ADGRA3: variants seen among roughly 807,000 people sequenced by gnomAD.
ADGRA3 encodes the protein G-protein coupled receptor 125.
A neutral mutation model predicts 119.8 loss-of-function variants in ADGRA3; 56 were observed. The observed-to-expected ratio is 0.47, with a 90% CI of 0.38 to 0.58. ADGRA3 has a LOEUF of 0.58. Ranked by LOEUF, ADGRA3 falls within the 20% of genes least tolerant of loss-of-function variation. The probability of loss-of-function intolerance (pLI) is 0.00; values close to 1 mark genes in which losing one functional copy is unlikely to be tolerated. For missense variants in ADGRA3, 1,516 were observed against 1,649.0 expected (o/e 0.92, Z 1.40); for synonymous variants, 607 against 623.8 (o/e 0.97, Z 0.40).
intron 3 of ADGRA3, among the ~76,000 whole-genome samples, chr4:22,455,647 A>T (rs1717210561): frequency 6.6e-6 from 1 of 152,204 alleles, no homozygotes; most frequent in African/African-American, 2.4e-5. Flanking sequence ...TACCTATGTA[A>T]AAGTTTTAGT....
At position 22,387,618 on chromosome 4, in the gene ADGRA3, G is replaced by A; in HGVS notation, c.*87C>T. ...CAAATTCTTTTGAATCCCTATGGTG[G>A]CTGTAAACAGTTTTTAAATGCTCAT... On this transcript the variant is annotated 3_prime_UTR_variant, in exon 19 of 19. Coordinates refer to ENST00000334304, the MANE Select transcript of ADGRA3 (RefSeq NM_145290.4). 1 of 1,290,902 alleles carries A rather than the reference G, an allele frequency of 7.7e-7. No individual in the cohort carries two copies. Among genetic ancestry groups the A allele is most frequent in the Non-Finnish European group, 1.1e-6 (1 of 943,566 alleles). The allele number at this position is 1,290,902 out of a possible 1,614,324, so 80.0% of individuals were successfully genotyped here.
rs191366753 is a variant in ADGRA3 at position 22,486,703 on chromosome 4, C to T, written c.258-12860G>A. On this transcript the variant is annotated intron_variant, in intron 1 of 18. Coordinates refer to ENST00000334304, the MANE Select transcript of ADGRA3 (RefSeq NM_145290.4). The stretch of plus-strand genomic sequence containing the variant: ...GGGTCATTTTTCCAGTCTCTGCCCT[C>T]CCTCAATAATTACCGAGCATTTAAT... 3.3e-5 allele frequency among the ~76,000 whole-genome samples: 5 copies of T among 152,294 alleles called. No individual in the cohort carries two copies. The Middle Eastern group carries it at 0.01, about 311-fold the overall frequency.
In ADGRA3 at chr4:22,508,570, A is replaced by G. The variant is rs148008247; in HGVS notation, c.257+6958T>C. On this transcript the variant is annotated intron_variant, in intron 1 of 18. Transcript: ENST00000334304. ...TAAGATTTTGCATTCAAAGATAACA[A>G]TCTTACTCTTGATCCAATGGCTCTG... is the stretch of plus-strand genomic sequence containing the variant. Among the ~76,000 whole-genome samples the G allele has an allele frequency of 4.8e-4, 73 of 152,244 alleles. 1 individual carries two copies. In the East Asian group the frequency reaches 8.3e-3, roughly 17 times the overall value.
At chr4:22,493,756 G>A (rs1317045417) in intron 1 of ADGRA3, among the ~76,000 whole-genome samples, 1 of 152,168 alleles carries the variant, frequency 6.6e-6, no homozygotes, top group Non-Finnish European at 1.5e-5. Flanking sequence ...ATGAGGCTAA[G>A]ACCTATTGGG....
intron 1 of ADGRA3, among the ~76,000 whole-genome samples, chr4:22,495,977 C>A (rs977045267): frequency 6.6e-6 from 1 of 151,920 alleles, no homozygotes; most frequent in African/African-American, 2.4e-5. Flanking sequence ...CATCATTCTG[C>A]AACACTAATA....
At chr4:22,403,142 G>C (rs1356613051) in intron 14 of ADGRA3, among the ~76,000 whole-genome samples, 1 of 152,006 alleles carries the variant, frequency 6.6e-6, no homozygotes, top group Non-Finnish European at 1.5e-5. Flanking sequence ...TGCCCTTTAA[G>C]CCCAGTTATC....
chr4:22,421,463 T>C (rs112995746), intron 11 of ADGRA3, among the ~76,000 whole-genome samples: 9 of 152,180 alleles, frequency 5.9e-5, no homozygotes, highest in Non-Finnish European at 8.8e-5. Context: ...ACCCTCTAAA[T>C]GCTCATCTTA....
At chr4:22,442,891 A>C in intron 6 of ADGRA3, 28 bp from the exon 7 acceptor site, 1 of 1,496,406 alleles carries the variant, frequency 6.7e-7, no homozygotes, top group Non-Finnish European at 9.3e-7. Flanking sequence ...AAGATTCAGT[A>C]AACAAATATA....
At chr4:22,474,142 T>C (rs1030574319) in intron 1 of ADGRA3, among the ~76,000 whole-genome samples, 2 of 152,168 alleles carry the variant, frequency 1.3e-5, no homozygotes, top group African/African-American at 2.4e-5. Context: ...AACAATACCA[T>C]AGCATGTACA....
chr4:22,417,875 GC>G (rs1354204969), intron 12 of ADGRA3, among the ~76,000 whole-genome samples: 1 of 152,142 alleles, frequency 6.6e-6, no homozygotes, highest in Non-Finnish European at 1.5e-5. Context: ...ATAATGACTA[GC>G]CTGAAAAATT....
At chr4:22,499,261 G>A (rs902461309) in intron 1 of ADGRA3, among the ~76,000 whole-genome samples, 14 of 152,334 alleles carry the variant, frequency 9.2e-5, no homozygotes, top group African/African-American at 3.4e-4. Context: ...TAGCAATGTT[G>A]TTAGGTTTGG....
chr4:22,456,542 G>A (rs1372258451), intron 3 of ADGRA3, among the ~76,000 whole-genome samples: 1 of 152,158 alleles, frequency 6.6e-6, no homozygotes, highest in African/African-American at 2.4e-5. Context: ...GCATCAGTGG[G>A]CTTCCTGGGG....
intron 12 of ADGRA3, among the ~76,000 whole-genome samples, chr4:22,415,520 T>A (rs538242962): frequency 1.2e-3 from 181 of 152,138 alleles, no homozygotes; most frequent in African/African-American, 4.1e-3. Flanking sequence ...TACACAAATT[T>A]CTCCTAAGTA....
Position 22,388,661 on chromosome 4 carries a change from G to C in ADGRA3, c.3010C>G (p.Leu1004Val). 6.2e-7 allele frequency: 1 copy of C among 1,614,026 alleles called. No individual in the cohort carries two copies. Among genetic ancestry groups the C allele is most frequent in the Non-Finnish European group, 8.5e-7 (1 of 1,179,994 alleles). Residue 1004 changes from leucine (L) to valine (V), a missense_variant, in exon 19 of 19, where the codon CTC becomes GTC. By Grantham distance (32) the Leu-to-Val change is conservative (BLOSUM62 1). Transcript: ENST00000334304. Reference protein sequence around the residue: ...SQLLGASLTLLLYVALWMFGA... With the variant: ...SQLLGASLTLVLYVALWMFGA... ...AACATCCACAGTGCAACATATAAGAGCAAAGTAAGGCTGGCCCCCAAGAGC... is the reference window on the plus strand; with the variant it reads ...AACATCCACAGTGCAACATATAAGACCAAAGTAAGGCTGGCCCCCAAGAGC...
chr4:22,505,633 C>A (rs1406279878), intron 1 of ADGRA3, among the ~76,000 whole-genome samples: 1 of 141,164 alleles, frequency 7.1e-6, no homozygotes, highest in East Asian at 2.0e-4. Context: ...GGCGACAGAG[C>A]GAGACTCTGT....
chr4:22,457,190 C>T (rs1019063276), intron 3 of ADGRA3, among the ~76,000 whole-genome samples: 1 of 152,150 alleles, frequency 6.6e-6, no homozygotes. Flanking sequence ...GTTGATAAAA[C>T]AAGAGAAACT....
Position 22,435,307 on chromosome 4 carries a change from G to A in ADGRA3, c.1443+4C>T, listed in dbSNP as rs1716348668. On this transcript the variant is annotated splice_donor_region_variant and intron_variant, in intron 10 of 18. Coordinates refer to ENST00000334304, the MANE Select transcript of ADGRA3 (RefSeq NM_145290.4). ...ATGCTACAAATCTGAATTTAGAGAA[G>A]TACCTCTTTTGATTTTTCCTCCTTG... The A allele has an allele frequency of 6.2e-7, 1 of 1,608,926 alleles. No individual in the cohort carries two copies. Among genetic ancestry groups the A allele is most frequent in the Non-Finnish European group, 8.5e-7 (1 of 1,175,832 alleles).
chr4:22,394,768 A>C (rs1714282428), intron 16 of ADGRA3: 1 of 152,202 alleles, frequency 6.6e-6, no homozygotes, highest in South Asian at 2.1e-4. Flanking sequence ...TAGGCACTGA[A>C]GTGTTTTCTA....
At chr4:22,431,048 G>A (rs1371734512) in intron 10 of ADGRA3, among the ~76,000 whole-genome samples, 2 of 152,302 alleles carry the variant, frequency 1.3e-5, no homozygotes, top group Non-Finnish European at 2.9e-5. Context: ...AGATTTCAGA[G>A]GATGTATGGA....
Sources: allele counts gnomAD v4.1 joint callset (sites outside exome capture counted in the v4.1 genomes callset), GRCh38; gene constraint gnomAD v4.1.1; transcripts MANE v1.5; gene names NCBI Gene and HGNC (gene_info 2026-07-23, HGNC 2026-07-21).